CDKAL1: variants seen among roughly 807,000 people sequenced by gnomAD.
CDKAL1 encodes CDKAL1 threonylcarbamoyladenosine tRNA methylthiotransferase.
A neutral mutation model predicts 68.2 loss-of-function variants in CDKAL1; 32 were observed. The observed-to-expected ratio is 0.47, with a 90% CI of 0.35 to 0.63. The LOEUF (loss-of-function observed/expected upper bound fraction) is 0.63. Among genes scored for constraint, CDKAL1 ranks in the 30% least tolerant of loss-of-function variants. CDKAL1 has a pLI of 0.00. For synonymous variants in CDKAL1, 234 were observed against 244.3 expected (o/e 0.96, Z 0.39); for missense variants, 606 against 696.7 (o/e 0.87, Z 1.47).
chr6:21,050,035 A>T (rs1487186686), intron 11 of CDKAL1, among the ~76,000 whole-genome samples: 1 of 152,094 alleles, frequency 6.6e-6, no homozygotes, highest in Admixed American at 6.5e-5. Context: ...TGCCTAGTTT[A>T]CTTTAAAAAG....
chr6:21,077,532 T>G (rs1369153188), intron 12 of CDKAL1, among the ~76,000 whole-genome samples: 5 of 152,212 alleles, frequency 3.3e-5, no homozygotes, highest in African/African-American at 1.2e-4. Context: ...AGGCTTCTGC[T>G]TTTGGGGTGG....
intron 7 of CDKAL1, among the ~76,000 whole-genome samples, chr6:20,774,498 C>T (rs1775088821): frequency 6.6e-6 from 1 of 152,140 alleles, no homozygotes; most frequent in Non-Finnish European, 1.5e-5. Flanking sequence ...GCCAGGCTTT[C>T]TAGTATACAT....
intron 6 of CDKAL1, among the ~76,000 whole-genome samples, chr6:20,748,932 G>T (rs1294366456): frequency 7.0e-6 from 1 of 142,806 alleles, no homozygotes; most frequent in Non-Finnish European, 1.6e-5. Context: ...CAGCTAATAA[G>T]AAAGTACTTT....
chr6:21,003,661 A>T (rs1767574900), intron 11 of CDKAL1, among the ~76,000 whole-genome samples: 1 of 152,148 alleles, frequency 6.6e-6, no homozygotes, highest in Admixed American at 6.5e-5. Flanking sequence ...GTATAGCTTT[A>T]TGCCAAATAG....
intron 5 of CDKAL1, among the ~76,000 whole-genome samples, chr6:20,729,290 G>C (rs1344241523): frequency 6.6e-6 from 1 of 152,144 alleles, no homozygotes; most frequent in Non-Finnish European, 1.5e-5. Flanking sequence ...TCAGGATGCA[G>C]CCTTCCCACA....
At chr6:20,870,756 T>C (rs933861286) in intron 9 of CDKAL1, among the ~76,000 whole-genome samples, 9 of 152,190 alleles carry the variant, frequency 5.9e-5, no homozygotes, top group Admixed American at 4.6e-4. Flanking sequence ...ACCTTTGAAA[T>C]TGTCAATTGA....
At chr6:20,795,997 C>A (rs1776094858) in intron 8 of CDKAL1, among the ~76,000 whole-genome samples, 1 of 152,120 alleles carries the variant, frequency 6.6e-6, no homozygotes, top group African/African-American at 2.4e-5. Context: ...CTTGTAACTG[C>A]CTGGGTTCTT....
chr6:20,720,926 G>T (rs1772321449), intron 5 of CDKAL1, among the ~76,000 whole-genome samples: 2 of 152,102 alleles, frequency 1.3e-5, no homozygotes, highest in South Asian at 4.1e-4. Flanking sequence ...CCATATTGCT[G>T]CAAATGACAT....
chr6:21,138,851 G>A (rs9688573), intron 13 of CDKAL1, among the ~76,000 whole-genome samples: 8 of 152,204 alleles, frequency 5.3e-5, no homozygotes, highest in Admixed American at 2.6e-4. Flanking sequence ...GTCCCACCCC[G>A]GAGAACACTG....
rs999147965 is a variant in CDKAL1, at chr6:20,924,212, T to C, written c.743-31207T>C. Among the ~76,000 whole-genome samples the C allele has an allele frequency of 2.1e-5, 3 of 142,868 alleles. No individual in the cohort carries two copies. In the Admixed American group the frequency reaches 2.1e-4, roughly 10 times the overall value. The allele number at this position is 142,868 out of a possible 152,430, so 93.7% of individuals were successfully genotyped here. A position where few individuals can be genotyped will look rare whatever the true frequency, so the allele number is the denominator to read the frequency against. On this transcript the variant is annotated intron_variant, in intron 9 of 15. Transcript: ENST00000274695. ...ATGAAGAAAGTTTGAGTGGTCTAGA[T>C]AGAGTTAGCCAGGTGTGGTGGTGTG...
intron 9 of CDKAL1, among the ~76,000 whole-genome samples, chr6:20,867,226 A>G (rs922730242): frequency 6.6e-6 from 1 of 152,134 alleles, no homozygotes; most frequent in Non-Finnish European, 1.5e-5. Context: ...ACAATTTTTT[A>G]GTTGTAAATT....
intron 12 of CDKAL1, among the ~76,000 whole-genome samples, chr6:21,105,329 T>C (rs1773791787): frequency 6.6e-6 from 1 of 152,150 alleles, no homozygotes; most frequent in South Asian, 2.1e-4. Flanking sequence ...TAGAATTTGA[T>C]GGTCAGAAGC....
At chr6:21,223,324 G>T (rs1779604516) in intron 15 of CDKAL1, among the ~76,000 whole-genome samples, 1 of 152,106 alleles carries the variant, frequency 6.6e-6, no homozygotes, top group Admixed American at 6.6e-5. Context: ...CAGAAATTTG[G>T]GCAAGTGACT....
chr6:20,933,847 A>G (rs1763580191), intron 9 of CDKAL1, among the ~76,000 whole-genome samples: 1 of 152,156 alleles, frequency 6.6e-6, no homozygotes, highest in Non-Finnish European at 1.5e-5. Context: ...GTTTTATAGT[A>G]AAATAGCTTT....
intron 5 of CDKAL1, among the ~76,000 whole-genome samples, chr6:20,716,769 T>C (rs994017910): frequency 1.3e-5 from 2 of 150,522 alleles, no homozygotes; most frequent in Admixed American, 6.6e-5. Context: ...TGAGTTGATA[T>C]GTTATATGTA....
intron 9 of CDKAL1, among the ~76,000 whole-genome samples, chr6:20,849,218 T>C (rs1019921908): frequency 2.6e-5 from 4 of 152,186 alleles, no homozygotes; most frequent in Admixed American, 6.5e-5. Context: ...GGCTTTCTCA[T>C]CACTATAATA....
chr6:20,991,793 A>G (rs1766821281), intron 10 of CDKAL1, among the ~76,000 whole-genome samples: 3 of 150,548 alleles, frequency 2.0e-5, no homozygotes, highest in African/African-American at 7.3e-5. Context: ...AGGTGCGTAC[A>G]TGGCTCCAGT....
intron 13 of CDKAL1, among the ~76,000 whole-genome samples, chr6:21,165,502 C>A (rs955574402): frequency 2.0e-5 from 3 of 152,090 alleles, no homozygotes; most frequent in Admixed American, 6.6e-5. Flanking sequence ...TATTAAAAAT[C>A]TTTATAATTA....
At chr6:20,893,084 T>C (rs1266402592) in intron 9 of CDKAL1, among the ~76,000 whole-genome samples, 1 of 152,194 alleles carries the variant, frequency 6.6e-6, no homozygotes. Context: ...AGCATTACCC[T>C]GTAGGTGGGT....
Sources: gnomAD v4.1 joint callset for allele counts (sites outside exome capture counted in the v4.1 genomes callset) on GRCh38, gnomAD v4.1.1 for gene constraint, MANE v1.5 for transcripts, NCBI Gene and HGNC (gene_info 2026-07-23, HGNC 2026-07-21) for gene names.